Variants in SOX5 observed in about 807,000 individuals in gnomAD.
SOX5 encodes the protein SRY-box transcription factor 5, also known as transcription factor SOX-5.
A neutral mutation model predicts 92.0 loss-of-function variants in SOX5; 9 were observed. That is an observed-to-expected ratio of 0.10 (90% CI 0.06 to 0.17). The LOEUF (loss-of-function observed/expected upper bound fraction) is 0.17. Among genes scored for constraint, SOX5 ranks in the 10% least tolerant of loss-of-function variants. The probability of loss-of-function intolerance (pLI) is 1.00; values close to 1 mark genes in which losing one functional copy is unlikely to be tolerated. For synonymous variants in SOX5, 344 were observed against 336.3 expected, an observed-to-expected ratio of 1.02 and a Z score of -0.25; for missense variants, 642 against 944.5, an observed-to-expected ratio of 0.68 and a Z score of 4.20.
intron 4 of SOX5, among the ~76,000 whole-genome samples, chr12:23,742,746 T>C (rs1018759737): frequency 6.6e-6 from 1 of 152,080 alleles, no homozygotes; most frequent in African/African-American, 2.4e-5. Context: ...AATTCCAATG[T>C]TTTGGGAGGC....
At chr12:23,956,551 C>T (rs545273104) in intron 4 of SOX5, among the ~76,000 whole-genome samples, 13 of 152,288 alleles carry the variant, frequency 8.5e-5, no homozygotes, top group Admixed American at 3.3e-4. Context: ...TCCCACCTCA[C>T]CTAACCTCTC....
intron 4 of SOX5, among the ~76,000 whole-genome samples, chr12:23,979,698 G>A (rs1402040135): frequency 1.4e-4 from 9 of 64,692 alleles, no homozygotes; most frequent in African/African-American, 2.3e-4. Flanking sequence ...ATATATATAT[G>A]TTTTTTTTGT....
intron 7 of SOX5, among the ~76,000 whole-genome samples, chr12:23,660,858 T>G (rs1420067393): frequency 6.6e-6 from 1 of 152,304 alleles, no homozygotes; most frequent in South Asian, 2.1e-4. Flanking sequence ...TTTAGTAAAG[T>G]CCAAAGAACT....
intron 3 of SOX5, among the ~76,000 whole-genome samples, chr12:23,817,203 A>C (rs1385901506): frequency 2.0e-5 from 3 of 152,210 alleles, no homozygotes; most frequent in African/African-American, 7.2e-5. Flanking sequence ...TTACAAAGCT[A>C]AGTGTATTTT....
At chr12:24,364,544 A>G (rs1955965685) in intron 2 of SOX5, among the ~76,000 whole-genome samples, 2 of 145,116 alleles carry the variant, frequency 1.4e-5, no homozygotes, top group Non-Finnish European at 3.0e-5. Context: ...ATATATATAT[A>G]CACGAATAAA....
intron 4 of SOX5, among the ~76,000 whole-genome samples, chr12:24,209,624 C>T (rs987661425): frequency 4.6e-5 from 7 of 152,136 alleles, no homozygotes; most frequent in Non-Finnish European, 8.8e-5. Context: ...CAATTGAAAA[C>T]TGCTGCCACA....
intron 1 of SOX5, among the ~76,000 whole-genome samples, chr12:24,496,242 G>A (rs947242935): frequency 4.6e-5 from 7 of 152,146 alleles, no homozygotes; most frequent in Admixed American, 3.3e-4. Flanking sequence ...TAAACATCAA[G>A]AGGTTACTTA....
chr12:23,999,642 TAA>T (rs1203524872), intron 4 of SOX5, among the ~76,000 whole-genome samples: 3 of 152,016 alleles, frequency 2.0e-5, no homozygotes, highest in African/African-American at 7.2e-5. Flanking sequence ...TCTTTTACTT[TAA>T]AAAAGTCTTT....
chr12:24,441,858 T>C (rs1353772145), intron 1 of SOX5, among the ~76,000 whole-genome samples: 1 of 152,176 alleles, frequency 6.6e-6, no homozygotes, highest in Non-Finnish European at 1.5e-5. Flanking sequence ...ATAATGATTA[T>C]AAAACTTTTT....
In SOX5 at chr12:23,984,578, T is replaced by A. The variant is rs141111288; in HGVS notation, c.-1-88554A>T. The stretch of plus-strand genomic sequence containing the variant: ...AGTATGACTAGATCATTGAATATAG[T>A]GAAGTAGTGAAGAGAGACAGGATAG... On this transcript the variant is annotated intron_variant, in intron 4 of 4. Transcript: ENST00000446891. Among the ~76,000 whole-genome samples the A allele has an allele frequency of 5.4e-3, 819 of 152,258 alleles. 9 individuals carry two copies. Among genetic ancestry groups the A allele is most frequent in the African/African-American group, 0.019 (775 of 41,564 alleles).
intron 4 of SOX5, among the ~76,000 whole-genome samples, chr12:24,209,706 T>C (rs1958383296): frequency 6.6e-6 from 1 of 152,148 alleles, no homozygotes; most frequent in South Asian, 2.1e-4. Flanking sequence ...CTTCACATGA[T>C]AGAAATGACA....
At chr12:23,804,908 C>A (rs2142244982) in intron 3 of SOX5, among the ~76,000 whole-genome samples, 1 of 114,204 alleles carries the variant, frequency 8.8e-6, no homozygotes, top group East Asian at 2.5e-4. Flanking sequence ...ATTTACCTAT[C>A]ATTGTTTTAT....
chr12:24,066,223 C>T (rs1427116162), intron 4 of SOX5, among the ~76,000 whole-genome samples: 2 of 152,268 alleles, frequency 1.3e-5, no homozygotes, highest in South Asian at 2.1e-4. Flanking sequence ...CTGATACATG[C>T]ATACAGGTCT....
At chr12:24,352,804 G>GC (rs1397998563) in intron 2 of SOX5, among the ~76,000 whole-genome samples, 2 of 152,080 alleles carry the variant, frequency 1.3e-5, no homozygotes, top group Non-Finnish European at 2.9e-5. Flanking sequence ...TCAAACAGCT[G>GC]CCCCTTGGCC....
At chr12:23,841,074 A>C (rs1305772806) in intron 3 of SOX5, among the ~76,000 whole-genome samples, 2 of 152,172 alleles carry the variant, frequency 1.3e-5, no homozygotes, top group Admixed American at 1.3e-4. Flanking sequence ...AAATATTTGT[A>C]AAACACATTC....
chr12:23,915,183 T>C (rs1416475275), intron 1 of SOX5, among the ~76,000 whole-genome samples: 1 of 152,090 alleles, frequency 6.6e-6, no homozygotes, highest in East Asian at 1.9e-4. Context: ...TGAGTACATA[T>C]AGAAACATGT....
intron 14 of SOX5, 134 bp downstream of exon 14, chr12:23,536,319 A>G: frequency 1.4e-6 from 1 of 696,000 alleles, no homozygotes; most frequent in Non-Finnish European, 2.5e-6. Context: ...GTGGGAGACT[A>G]TTTGTCTCTG....
upstream of SOX5, among the ~76,000 whole-genome samples, chr12:23,951,653 T>TACTC (rs10653535): frequency 0.48 from 73,098 of 151,494 alleles, 17,693 homozygotes; most frequent in African/African-American, 0.53. Context: ...AATATATATA[T>TACTC]ACACACACAC....
intron 3 of SOX5, among the ~76,000 whole-genome samples, chr12:24,257,065 C>G (rs1941320787): frequency 6.6e-6 from 1 of 152,166 alleles, no homozygotes; most frequent in African/African-American, 2.4e-5. Context: ...AAAGTACTTT[C>G]ACAGGTTTGG....
Sources: allele counts gnomAD v4.1 joint callset (sites outside exome capture counted in the v4.1 genomes callset), GRCh38; gene constraint gnomAD v4.1.1; transcripts MANE v1.5; gene names NCBI Gene and HGNC (gene_info 2026-07-23, HGNC 2026-07-21).